The following ARHGEF28 variants were observed in gnomAD, a reference collection of about 807,000 sequenced individuals.
The protein encoded by ARHGEF28 is 190 kDa guanine nucleotide exchange factor.
A neutral mutation model predicts 206.6 loss-of-function variants in ARHGEF28; 152 were observed. The ratio of observed to expected loss-of-function variants is 0.74; its 90% CI spans 0.64 to 0.84. ARHGEF28 has a LOEUF of 0.84. Ranked by LOEUF, ARHGEF28 falls within the 40% of genes least tolerant of loss-of-function variation. The pLI is 0.00. For synonymous variants in ARHGEF28, 763 were observed against 776.4 expected, an observed-to-expected ratio of 0.98 and a Z score of 0.29; for missense variants, 2,028 against 2,073.2, an observed-to-expected ratio of 0.98 and a Z score of 0.42.
At chr5:73,930,170 C>T (rs1202599221) in intron 35 of ARHGEF28, among the ~76,000 whole-genome samples, 3 of 152,054 alleles carry the variant, frequency 2.0e-5, no homozygotes, top group African/African-American at 4.8e-5. Context: ...CTGTTGCCAG[C>T]GATGATTGAT....
intron 1 of ARHGEF28, among the ~76,000 whole-genome samples, chr5:73,634,897 G>T (rs1743601102): frequency 6.6e-6 from 1 of 152,056 alleles, no homozygotes; most frequent in Non-Finnish European, 1.5e-5. Context: ...TTGACATTCT[G>T]GTTTTAAAAA....
intron 2 of ARHGEF28, among the ~76,000 whole-genome samples, chr5:73,729,495 A>G (rs1750477853): frequency 6.6e-6 from 1 of 152,238 alleles, no homozygotes; most frequent in Admixed American, 6.5e-5. Context: ...TCTTGCCCCA[A>G]GGACAATGCT....
At chr5:73,637,215 GC>G (rs1561300454) in intron 1 of ARHGEF28, among the ~76,000 whole-genome samples, 1 of 152,048 alleles carries the variant, frequency 6.6e-6, no homozygotes, top group Non-Finnish European at 1.5e-5. Flanking sequence ...GAAATGTATG[GC>G]CTTTTTGATA....
chr5:73,859,613 C>A (rs1474674353), intron 16 of ARHGEF28, among the ~76,000 whole-genome samples: 2 of 152,148 alleles, frequency 1.3e-5, no homozygotes, highest in Non-Finnish European at 2.9e-5. Context: ...TCTTTCTTTT[C>A]CTGGATCTGA....
chr5:73,680,558 A>G (rs1747018001), intron 1 of ARHGEF28, among the ~76,000 whole-genome samples: 1 of 151,636 alleles, frequency 6.6e-6, no homozygotes, highest in Non-Finnish European at 1.5e-5. Context: ...CACATTGGGT[A>G]CAGTGTACAC....
Position 73,806,399 on chromosome 5 carries a change from C to CATATATAG in ARHGEF28, c.1024+11024_1024+11031dup, listed in dbSNP as rs1554065491. On this transcript the variant is annotated intron_variant, in intron 9 of 35. Coordinates refer to ENST00000513042, the MANE Select transcript of ARHGEF28 (RefSeq NM_001177693.2). ...ATATATAGATATATAGATATATATACATATATAGATATATAGATATATACT... is the reference window on the plus strand; with the variant it reads ...ATATATAGATATATAGATATATATACATATATAGATATATAGATATATAGATATATACT... 6.7e-4 allele frequency among the ~76,000 whole-genome samples: 80 copies of CATATATAG among 119,156 alleles called. 6 individuals are homozygous for CATATATAG. Among genetic ancestry groups the CATATATAG allele is most frequent in the African/African-American group, 2.4e-3 (71 of 29,758 alleles). The allele number at this position is 119,156 out of a possible 152,430, so 78.2% of individuals were successfully genotyped here. A position where few individuals can be genotyped will look rare whatever the true frequency, so the allele number is the denominator to read the frequency against.
intron 2 of ARHGEF28, among the ~76,000 whole-genome samples, chr5:73,689,784 A>C (rs1037324806): frequency 1.4e-4 from 21 of 152,120 alleles, no homozygotes; most frequent in East Asian, 3.9e-4. Flanking sequence ...AAAAACAAAA[A>C]AAAAAAACAC....
intron 9 of ARHGEF28, among the ~76,000 whole-genome samples, chr5:73,820,361 T>C (rs1756494484): frequency 6.6e-6 from 1 of 152,160 alleles, no homozygotes; most frequent in Non-Finnish European, 1.5e-5. Flanking sequence ...TTGAATGTGA[T>C]TTCCTGGTGA....
intron 26 of ARHGEF28, among the ~76,000 whole-genome samples, chr5:73,889,657 G>A (rs184109251): frequency 1.6e-4 from 25 of 152,370 alleles, no homozygotes; most frequent in Admixed American, 1.0e-3. Flanking sequence ...TAACAATACA[G>A]CTAAGCATGG....
At chr5:73,846,001 AAAAAAAAAAG>A (rs1249799512) in intron 11 of ARHGEF28, among the ~76,000 whole-genome samples, 2 of 148,722 alleles carry the variant, frequency 1.3e-5, no homozygotes, top group African/African-American at 2.5e-5. Context: ...AAAAAAAAAA[AAAAAAAAAAG>A]AAAGAAAGAA....
In ARHGEF28 at chr5:73,849,076, G is replaced by T; in HGVS notation, c.1736G>T (p.Ser579Ile). 1 of 1,561,676 alleles carries T rather than the reference G, an allele frequency of 6.4e-7. No homozygotes were observed. The highest frequency in any genetic ancestry group is 8.7e-7 in the Non-Finnish European group (1 of 1,149,116). ...TRLVRELTVCSSSEEQRAYSL... is the reference protein window; with the variant it reads ...TRLVRELTVCISSEEQRAYSL... ...TTGGTGCGTGAATTAACAGTATGCA[G>T]TTCAAGTGAAGGTAAGCATCATTTA... Residue 579 changes from serine to isoleucine, a missense_variant, in exon 13 of 36, where the codon AGT (serine) becomes ATT (isoleucine). This residue lies in a region of ARHGEF28 where 1,002 missense variants were observed against 1,015.3 expected (regional missense o/e 0.99). Coordinates refer to ENST00000513042, the MANE Select transcript of ARHGEF28 (RefSeq NM_001177693.2).
intron 21 of ARHGEF28, among the ~76,000 whole-genome samples, chr5:73,870,949 G>A (rs770900640): frequency 3.3e-5 from 5 of 152,082 alleles, no homozygotes; most frequent in African/African-American, 1.2e-4. Context: ...CAAAGTCCAC[G>A]GGCAGTGAGG....
intron 25 of ARHGEF28, among the ~76,000 whole-genome samples, chr5:73,886,403 T>G (rs1254054472): frequency 2.0e-5 from 3 of 152,190 alleles, no homozygotes; most frequent in South Asian, 4.1e-4. Context: ...AAAATTATTC[T>G]GGTAACTGTG....
chr5:73,750,886 C>A (rs1290149883), intron 3 of ARHGEF28, among the ~76,000 whole-genome samples: 1 of 152,134 alleles, frequency 6.6e-6, no homozygotes, highest in Non-Finnish European at 1.5e-5. Flanking sequence ...GAGCTTGTCC[C>A]TACCTGCTTC....
At chr5:73,706,071 G>C (rs1353068478) in intron 2 of ARHGEF28, among the ~76,000 whole-genome samples, 1 of 152,224 alleles carries the variant, frequency 6.6e-6, no homozygotes, top group Non-Finnish European at 1.5e-5. Context: ...TCTGAGTGGA[G>C]CTGAGCCAGA....
intron 1 of ARHGEF28, among the ~76,000 whole-genome samples, chr5:73,668,671 T>G (rs1396754900): frequency 6.6e-6 from 1 of 152,224 alleles, no homozygotes; most frequent in African/African-American, 2.4e-5. Context: ...GTTATAGCCC[T>G]ATGAATAGGC....
At chr5:73,755,344 G>A (rs1345459046) in intron 4 of ARHGEF28, among the ~76,000 whole-genome samples, 1 of 151,902 alleles carries the variant, frequency 6.6e-6, no homozygotes, top group Non-Finnish European at 1.5e-5. Flanking sequence ...TTTTGACAAA[G>A]ACACAAAAGT....
At chr5:73,828,604 C>CTCCTTTCCTTTT (rs140958697) in intron 9 of ARHGEF28, among the ~76,000 whole-genome samples, 3,880 of 147,798 alleles carry the variant, frequency 0.026, 95 homozygotes, top group Non-Finnish European at 0.038. Flanking sequence ...TTTTTCCTTT[C>CTCCTTTCCTTTT]TCCTTTCCTT....
chr5:73,835,847 G>A (rs74555431), intron 10 of ARHGEF28, among the ~76,000 whole-genome samples: 2,916 of 152,188 alleles, frequency 0.019, 99 homozygotes, highest in African/African-American at 0.067. Flanking sequence ...TCTCCAGGTC[G>A]ATAGTGCCAG....
Sources: allele counts gnomAD v4.1 joint callset (sites outside exome capture counted in the v4.1 genomes callset), GRCh38; gene constraint gnomAD v4.1.1; regional missense constraint gnomAD v4.1.1; transcripts MANE v1.5; gene names NCBI Gene and HGNC (gene_info 2026-07-23, HGNC 2026-07-21).